Variants in C18orf63 observed in about 807,000 individuals in gnomAD.
C18orf63 encodes chromosome 18 open reading frame 63.
Under a neutral mutation model 75.3 loss-of-function variants are expected in C18orf63, and 50 were observed. The ratio of observed to expected loss-of-function variants is 0.66; its 90% CI spans 0.53 to 0.84. The LOEUF is 0.84. C18orf63 is among the 40% of genes least tolerant of loss of function. The pLI, the probability that C18orf63 is intolerant of heterozygous loss-of-function variation, is 0.00. For synonymous variants in C18orf63, 232 were observed against 267.6 expected (o/e 0.87, Z 1.30); for missense variants, 732 against 800.2 (o/e 0.91, Z 1.03).
chr18:74,327,929 G>C lies in C18orf63; in HGVS notation c.271-18G>C. Reference sequence around the variant, plus strand: ...ATTGTTCTAAATTGGCCCATATTTTGCCATTTAATATTTTTAGATGGAGGC... The same window carrying C: ...ATTGTTCTAAATTGGCCCATATTTTCCCATTTAATATTTTTAGATGGAGGC... On this transcript the variant is annotated intron_variant, in intron 4 of 13. Transcript: ENST00000579455. 1 of 1,427,396 alleles carries C rather than the reference G, an allele frequency of 7.0e-7. No homozygotes were observed. The highest frequency in any genetic ancestry group is 9.5e-7 in the Non-Finnish European group (1 of 1,047,810). The allele number at this position is 1,427,396 out of a possible 1,614,324, so 88.4% of individuals were successfully genotyped here.
At chr18:74,329,080 A>T in intron 6 of C18orf63, 44 bp downstream of exon 6, 1 of 1,237,350 alleles carries the variant, frequency 8.1e-7, no homozygotes, top group Non-Finnish European at 1.1e-6. Context: ...AATATAATTC[A>T]TAGTTGCTAA....
At chr18:74,320,041 G>T (rs1435976965) in intron 2 of C18orf63, among the ~76,000 whole-genome samples, 1 of 152,166 alleles carries the variant, frequency 6.6e-6, no homozygotes, top group African/African-American at 2.4e-5. Context: ...TGTTGCCTAG[G>T]AGAAACTTAA....
intron 5 of C18orf63, 80 bp from the exon 6 acceptor site, chr18:74,328,915 C>T (rs948665127): frequency 5.2e-6 from 4 of 772,950 alleles, no homozygotes; most frequent in Non-Finnish European, 8.6e-6. Context: ...TTGATAATCT[C>T]ACATCAAGCA....
At chr18:74,332,721 A>AGG (rs1984330573) in intron 7 of C18orf63, among the ~76,000 whole-genome samples, 1 of 149,184 alleles carries the variant, frequency 6.7e-6, no homozygotes, top group African/African-American at 2.4e-5. Context: ...TAGAGGGGAA[A>AGG]AAAAAAAAAA....
Position 74,342,311 on chromosome 18 carries a change from G to A in C18orf63, c.779G>A (p.Gly260Glu), listed in dbSNP as rs1216159967. The A allele has an allele frequency of 2.0e-6, 3 of 1,528,366 alleles. No homozygotes were observed. Among genetic ancestry groups the A allele is most frequent in the East Asian group, 4.9e-5 (2 of 40,826 alleles). 94.7% of individuals were successfully genotyped at this position (1,528,366 alleles called of 1,614,324 possible). ...IYCNIYFKML[G>E]ERTFTYPLSC... ...TGCAACATCTATTTCAAAATGCTCG[G>A]AGAAAGGACCTTCACATATCCTTTA... is the stretch of plus-strand genomic sequence containing the variant. Residue 260 changes from glycine to glutamate, a missense_variant, in exon 10 of 14, where the codon GGA becomes GAA. Coordinates refer to ENST00000579455, the MANE Select transcript of C18orf63 (RefSeq NM_001174123.2).
rs1294422087 is a variant in C18orf63 at position 74,341,929 on chromosome 18, G to A, written c.612-103G>A. 2.1e-5 allele frequency: 13 copies of A among 617,880 alleles called. No individual in the cohort carries two copies. The East Asian group carries it at 3.6e-4, about 17-fold the overall frequency. The allele number at this position is 617,880 out of a possible 1,614,324, so 38.3% of individuals were successfully genotyped here. A position where few individuals can be genotyped will look rare whatever the true frequency, so the allele number is the denominator to read the frequency against. On this transcript the variant is annotated intron_variant, in intron 8 of 13. Coordinates refer to ENST00000579455, the MANE Select transcript of C18orf63 (RefSeq NM_001174123.2). ...TTAGTTTACTATATATAGCTAGTGA[G>A]ATAGTTGTTGAATCTTTTTTGAACA...
At chr18:74,327,038 G>A (rs1211220879) in intron 4 of C18orf63, among the ~76,000 whole-genome samples, 3 of 152,154 alleles carry the variant, frequency 2.0e-5, no homozygotes, top group Non-Finnish European at 2.9e-5. Flanking sequence ...AGGCTGGAAT[G>A]TAACAAAGAG....
intron 5 of C18orf63, among the ~76,000 whole-genome samples, 191 bp from the exon 6 acceptor site, chr18:74,328,804 T>C (rs1540376): frequency 0.52 from 79,656 of 151,998 alleles, 21,381 homozygotes; most frequent in Middle Eastern, 0.59. Context: ...GTATTTCCAT[T>C]CTTTTAATTG....
Position 74,353,374 on chromosome 18 carries a change from G to A in C18orf63, c.1107G>A (p.Lys369=). 6.5e-7 allele frequency: 1 copy of A among 1,536,362 alleles called. No homozygotes were observed. The highest frequency in any genetic ancestry group is 8.7e-7 in the Non-Finnish European group (1 of 1,146,942). The part of the protein sequence containing the change: ...LLPCSVAVDH[K]VELSVSQPTS... ...CATGTTCAGTAGCAGTGGACCACAA[G>A]GTGGAGCTTTCAGTCAGCCAGCCAA... The change falls in exon 12 of 14, where the codon AAG becomes AAA. Residue 369 remains lysine (K), a synonymous_variant. Coordinates refer to ENST00000579455, the MANE Select transcript of C18orf63 (RefSeq NM_001174123.2).
At chr18:74,345,402 A>G (rs1389568386) in intron 11 of C18orf63, among the ~76,000 whole-genome samples, 1 of 152,036 alleles carries the variant, frequency 6.6e-6, no homozygotes, top group Non-Finnish European at 1.5e-5. Context: ...CAAAATGATC[A>G]GTCTTTTTCT....
At chr18:74,337,262 G>A (rs528981362) in intron 7 of C18orf63, among the ~76,000 whole-genome samples, 19 of 152,058 alleles carry the variant, frequency 1.2e-4, no homozygotes, top group Non-Finnish European at 2.2e-4. Context: ...AATACAAAGG[G>A]TTAGCATTCG....
intron 11 of C18orf63, 31 bp from the exon 12 acceptor site, chr18:74,353,215 T>A (rs570087002): frequency 7.3e-4 from 1,026 of 1,396,248 alleles, no homozygotes; most frequent in Non-Finnish European, 8.9e-4. Context: ...ATTAACATTT[T>A]AAATTTTTTT....
chr18:74,337,597 T>C (rs773170570), intron 7 of C18orf63, among the ~76,000 whole-genome samples: 5 of 152,184 alleles, frequency 3.3e-5, no homozygotes, highest in Non-Finnish European at 5.9e-5. Flanking sequence ...CCTCTAACCA[T>C]GTTTTTATCA....
chr18:74,336,484 T>C (rs1259129790), intron 7 of C18orf63, among the ~76,000 whole-genome samples: 1 of 152,074 alleles, frequency 6.6e-6, no homozygotes, highest in Non-Finnish European at 1.5e-5. Flanking sequence ...TCTTGATTTA[T>C]CTGAAACTGA....
chr18:74,324,100 A>C (rs1371768852), intron 4 of C18orf63, among the ~76,000 whole-genome samples: 2 of 152,258 alleles, frequency 1.3e-5, no homozygotes, highest in African/African-American at 4.8e-5. Flanking sequence ...TATAAAATAA[A>C]TGTTCGTAAA....
At chr18:74,328,630 A>G (rs1430307263) in intron 5 of C18orf63, among the ~76,000 whole-genome samples, 1 of 152,226 alleles carries the variant, frequency 6.6e-6, no homozygotes, top group Non-Finnish European at 1.5e-5. Context: ...TAAAAAAATC[A>G]GTATGTAATA....
Position 74,354,050 on chromosome 18 carries a change from C to T in C18orf63, c.1783C>T (p.His595Tyr). 2 of 1,536,336 alleles carry T rather than the reference C, an allele frequency of 1.3e-6. No individual in the cohort carries two copies. Among genetic ancestry groups the T allele is most frequent in the Non-Finnish European group, 1.7e-6 (2 of 1,146,926 alleles). The change falls in exon 12 of 14, where the codon CAC becomes TAC. Residue 595 changes from histidine (H) to tyrosine (Y), a missense_variant. Coordinates refer to ENST00000579455, the MANE Select transcript of C18orf63 (RefSeq NM_001174123.2). Reference protein sequence around the residue: ...HGSLKLKRQPHIFESDGETED... With the variant: ...HGSLKLKRQPYIFESDGETED... ...GTCACTAAAACTGAAAAGACAGCCA[C>T]ACATTTTTGAATCAGATGGAGAAAC...
intron 11 of C18orf63, among the ~76,000 whole-genome samples, chr18:74,350,470 TAC>T (rs1984648632): frequency 6.6e-6 from 1 of 152,020 alleles, no homozygotes; most frequent in Admixed American, 6.6e-5. Context: ...GGCAATTGGA[TAC>T]AGACACACAT....
rs142503338 is a variant in C18orf63 at position 74,334,440 on chromosome 18, C to A, written c.501+3498C>A. Among the ~76,000 whole-genome samples, 3 of 152,134 alleles carry A rather than the reference C, an allele frequency of 2.0e-5. No individual in the cohort carries two copies. In the East Asian group the frequency reaches 5.8e-4, roughly 30 times the overall value. On this transcript the variant is annotated intron_variant, in intron 7 of 13. Coordinates refer to ENST00000579455, the MANE Select transcript of C18orf63 (RefSeq NM_001174123.2). ...ACATGAAAAGGGGTAGCAGAAAAGT[C>A]AATTATGCATTTCTCTCACTCAGTA...
Sources: allele counts gnomAD v4.1 joint callset (sites outside exome capture counted in the v4.1 genomes callset), GRCh38; gene constraint gnomAD v4.1.1; transcripts MANE v1.5; gene names NCBI Gene and HGNC (gene_info 2026-07-23, HGNC 2026-07-21).